Variants in FAT4 observed in about 807,000 individuals in gnomAD.
The protein encoded by FAT4 is FAT atypical cadherin 4.
FAT4 carries 84 observed loss-of-function variants against 303.9 expected under a neutral mutation model. That is an observed-to-expected ratio of 0.28 (90% CI 0.23 to 0.33). FAT4 has a LOEUF of 0.33. Among genes scored for constraint, FAT4 ranks in the 10% least tolerant of loss-of-function variants. The pLI, the probability that FAT4 is intolerant of heterozygous loss-of-function variation, is 1.00. For missense variants in FAT4, 6,005 were observed against 6,146.8 expected (o/e 0.98, Z 0.77); for synonymous variants, 2,307 against 2,298.8 (o/e 1.00, Z -0.10).
chr4:125,315,126 T>G lies in FAT4; in HGVS notation c.-864T>G. 6.7e-6 allele frequency among the ~76,000 whole-genome samples: 1 copy of G among 149,218 alleles called. No homozygotes were observed. The highest frequency in any genetic ancestry group is 2.5e-5 in the African/African-American group (1 of 40,436). On this transcript the variant is annotated 5_prime_UTR_variant, in exon 1 of 18. Coordinates refer to ENST00000394329, the MANE Select transcript of FAT4 (RefSeq NM_001291303.3). ...TGCGGCGGGGAAGGGGCGGGGAGAG[T>G]GTGAGGGACCAGGCGGGAGGTGGAG...
At position 125,452,547 on chromosome 4, in the gene FAT4, A is replaced by G; in HGVS notation, c.11537A>G (p.Gln3846Arg). The change falls in exon 10 of 18, where the codon CAG becomes CGG. Residue 3846 changes from glutamine to arginine, a missense_variant. Coordinates refer to ENST00000394329, the MANE Select transcript of FAT4 (RefSeq NM_001291303.3). ...ATCATCGTGGCAAATGAACCTCTGC[A>G]GCCTTTCTTATGCAAGTGTCTGCCA... is the stretch of plus-strand genomic sequence containing the variant. ...PVIIVANEPL[Q>R]PFLCKCLPGY... is the part of the protein sequence containing the mutation. 1 of 1,614,166 alleles carries G rather than the reference A, an allele frequency of 6.2e-7. No individual in the cohort carries two copies. The highest frequency in any genetic ancestry group is 8.5e-7 in the Non-Finnish European group (1 of 1,180,030).
intron 2 of FAT4, among the ~76,000 whole-genome samples, chr4:125,377,680 A>T (rs1349736440): frequency 2.0e-5 from 3 of 152,146 alleles, no homozygotes; most frequent in Non-Finnish European, 2.9e-5. Flanking sequence ...TAGGTAAAAT[A>T]TGTTTTTCTA....
chr4:125,458,745 AG>A (rs2126067507), intron 10 of FAT4, among the ~76,000 whole-genome samples: 1 of 151,998 alleles, frequency 6.6e-6, no homozygotes, highest in Admixed American at 6.6e-5. Flanking sequence ...AGTCTCATTG[AG>A]GTTGTGTTTG....
At chr4:125,428,496 C>T (rs944781448) in intron 7 of FAT4, among the ~76,000 whole-genome samples, 12 of 152,072 alleles carry the variant, frequency 7.9e-5, no homozygotes, top group African/African-American at 2.7e-4. Context: ...TGCACAGTCT[C>T]TCTCTCTCTC....
intron 2 of FAT4, among the ~76,000 whole-genome samples, chr4:125,327,351 ATCT>A (rs1560760989): frequency 6.6e-6 from 1 of 152,222 alleles, no homozygotes; most frequent in Non-Finnish European, 1.5e-5. Flanking sequence ...GTGATAAATC[ATCT>A]TCTTTGGAAT....
At chr4:125,360,418 G>GAAT (rs1732608869) in intron 2 of FAT4, among the ~76,000 whole-genome samples, 1 of 152,134 alleles carries the variant, frequency 6.6e-6, no homozygotes, top group African/African-American at 2.4e-5. Context: ...ATTATGTCAT[G>GAAT]AATATAAAGT....
chr4:125,337,942 G>T (rs530487653), intron 2 of FAT4, among the ~76,000 whole-genome samples: 1 of 152,220 alleles, frequency 6.6e-6, no homozygotes, highest in South Asian at 2.1e-4. Flanking sequence ...TCACAGAGCA[G>T]CTTTGAGAAA....
intron 8 of FAT4, among the ~76,000 whole-genome samples, chr4:125,437,273 C>G (rs906474937): frequency 2.0e-5 from 3 of 152,044 alleles, no homozygotes; most frequent in African/African-American, 7.2e-5. Context: ...TGGGAATTCT[C>G]CAACACTTTA....
chr4:125,484,353 A>G, intron 16 of FAT4, among the ~76,000 whole-genome samples: 1 of 152,198 alleles, frequency 6.6e-6, no homozygotes, highest in East Asian at 1.9e-4. Context: ...AACTCATTTC[A>G]CAAATCTCTC....
chr4:125,468,837 A>G lies in FAT4; in HGVS notation c.12213+18A>G, dbSNP rs751929823. 2.5e-6 allele frequency: 4 copies of G among 1,597,258 alleles called. No homozygotes were observed. In the South Asian group the frequency reaches 4.5e-5, roughly 18 times the overall value. On this transcript the variant is annotated intron_variant, in intron 12 of 17. Coordinates refer to ENST00000394329, the MANE Select transcript of FAT4 (RefSeq NM_001291303.3). ...CAGGAATGGTAAGATATTTCATTTT[A>G]TTGTTGTTGTATATCCAACTGGATC...
At position 125,318,801 on chromosome 4, in the gene FAT4, C is replaced by G; in HGVS notation, c.2390C>G (p.Ala797Gly). Residue 797 changes from alanine to glycine, a missense_variant, in exon 2 of 18, where the codon GCC becomes GGC. Transcript: ENST00000394329. ...AACCCACCTGTATTCAGTCAGGTTG[C>G]CTACAGCTTTGTGGTTTTTGAGAAC... is the stretch of plus-strand genomic sequence containing the variant. ...QDNPPVFSQV[A>G]YSFVVFENVA... 6.2e-7 allele frequency: 1 copy of G among 1,614,162 alleles called. No homozygotes were observed. Among genetic ancestry groups the G allele is most frequent in the African/African-American group, 1.3e-5 (1 of 75,052 alleles).
chr4:125,427,885 A>G (rs889103777), intron 7 of FAT4, among the ~76,000 whole-genome samples: 5 of 151,848 alleles, frequency 3.3e-5, no homozygotes, highest in African/African-American at 1.2e-4. Flanking sequence ...TTGCTATTAT[A>G]AAAAATATAA....
Position 125,449,319 on chromosome 4 carries a change from A to G in FAT4, c.8309A>G (p.Asp2770Gly). The change falls in exon 10 of 18, where the codon GAT becomes GGT. Residue 2770 changes from aspartate (D) to glycine (G), a missense_variant. Physicochemically the swap from Asp to Gly is moderately conservative, Grantham distance 94. Transcript: ENST00000394329. Reference sequence around the variant, plus strand: ...ATGATTAACATTTTAGATGAAAATGATAATGCCCCTAGGTTTTCTCAGATA... The same window carrying G: ...ATGATTAACATTTTAGATGAAAATGGTAATGCCCCTAGGTTTTCTCAGATA... ...KVMINILDEN[D>G]NAPRFSQIFS... 1.2e-6 allele frequency: 2 copies of G among 1,613,980 alleles called. No individual in the cohort carries two copies. Among genetic ancestry groups the G allele is most frequent in the Non-Finnish European group, 1.7e-6 (2 of 1,179,928 alleles).
intron 8 of FAT4, among the ~76,000 whole-genome samples, chr4:125,442,892 A>G (rs1201792014): frequency 3.3e-5 from 5 of 152,170 alleles, no homozygotes; most frequent in African/African-American, 1.2e-4. Context: ...ACCATTTATC[A>G]ATTACAATGC....
chr4:125,471,719 T>C (rs1726862076), intron 12 of FAT4, among the ~76,000 whole-genome samples: 1 of 151,634 alleles, frequency 6.6e-6, no homozygotes. Flanking sequence ...AAATCTGTCT[T>C]AAAGTATTTT....
At chr4:125,347,632 C>T (rs1002556208) in intron 2 of FAT4, among the ~76,000 whole-genome samples, 10 of 151,446 alleles carry the variant, frequency 6.6e-5, no homozygotes, top group African/African-American at 2.4e-4. Context: ...TAATAAATTA[C>T]AATTTGTAAG....
In FAT4 at chr4:125,366,339, A is replaced by G. The variant is rs531856664; in HGVS notation, c.5176-32445A>G. Reference sequence around the variant, plus strand: ...CTCATTTAGCTCCCACTTATTAGTAAGAACATGGAATATTTGGTTTTCTGT... The same window carrying G: ...CTCATTTAGCTCCCACTTATTAGTAGGAACATGGAATATTTGGTTTTCTGT... On this transcript the variant is annotated intron_variant, in intron 2 of 17. Transcript: ENST00000394329. Among the ~76,000 whole-genome samples, 4 of 152,270 alleles carry G rather than the reference A, an allele frequency of 2.6e-5. 1 individual carries two copies. In the East Asian group the frequency reaches 7.7e-4, roughly 29 times the overall value.
At chr4:125,466,667 A>G (rs1456039690) in intron 11 of FAT4, among the ~76,000 whole-genome samples, 1 of 150,698 alleles carries the variant, frequency 6.6e-6, no homozygotes, top group Non-Finnish European at 1.5e-5. Context: ...TTATCTCTAT[A>G]TATCATATAT....
At chr4:125,355,146 G>A (rs1201670147) in intron 2 of FAT4, among the ~76,000 whole-genome samples, 1 of 151,518 alleles carries the variant, frequency 6.6e-6, no homozygotes, top group Non-Finnish European at 1.5e-5. Flanking sequence ...CTTCATATGA[G>A]GTATTGACAC....
Sources: allele counts gnomAD v4.1 joint callset (sites outside exome capture counted in the v4.1 genomes callset), GRCh38; gene constraint gnomAD v4.1.1; transcripts MANE v1.5; gene names NCBI Gene and HGNC (gene_info 2026-07-23, HGNC 2026-07-21).